ABHD3: variants seen among roughly 807,000 people sequenced by gnomAD.
ABHD3 encodes the protein phospholipase ABHD3.
In ABHD3, 46 loss-of-function variants were observed where a neutral mutation model predicts 48.8. The ratio of observed to expected loss-of-function variants is 0.94; its 90% CI spans 0.74 to 1.20. The LOEUF is 1.20. ABHD3 is among the 50% of genes most tolerant of loss of function. The pLI is 0.00. For synonymous variants in ABHD3, 192 were observed against 183.7 expected (o/e 1.04, Z -0.36); for missense variants, 490 against 497.8 (o/e 0.98, Z 0.15).
chr18:21,659,959 G>A (rs1235235557), intron 5 of ABHD3, among the ~76,000 whole-genome samples: 1 of 135,558 alleles, frequency 7.4e-6, no homozygotes, highest in Non-Finnish European at 1.5e-5. Flanking sequence ...CGTTGCACCC[G>A]GCCTTTTTTT....
chr18:21,658,409 T>A (rs537669984), intron 6 of ABHD3, among the ~76,000 whole-genome samples: 1 of 152,256 alleles, frequency 6.6e-6, no homozygotes, highest in Admixed American at 6.5e-5. Context: ...ACTTACTACA[T>A]TACTATCCAG....
intron 5 of ABHD3, among the ~76,000 whole-genome samples, chr18:21,662,676 G>A (rs1344390678): frequency 1.3e-5 from 2 of 152,164 alleles, no homozygotes; most frequent in Non-Finnish European, 2.9e-5. Context: ...ATCCCCAAGT[G>A]GTAAGCCCAC....
intron 4 of ABHD3, among the ~76,000 whole-genome samples, chr18:21,678,416 A>G (rs1453726220): frequency 6.6e-6 from 1 of 152,118 alleles, no homozygotes; most frequent in Non-Finnish European, 1.5e-5. Context: ...ATGATCCTAT[A>G]ACTAAAAATA....
At chr18:21,699,219 TAC>T (rs1176381890) in intron 3 of ABHD3, among the ~76,000 whole-genome samples, 1 of 152,164 alleles carries the variant, frequency 6.6e-6, no homozygotes, top group East Asian at 1.9e-4. Flanking sequence ...TGGCCTACTT[TAC>T]ACACTCTAAC....
chr18:21,666,076 G>C (rs185751892), intron 4 of ABHD3, among the ~76,000 whole-genome samples: 1 of 151,920 alleles, frequency 6.6e-6, no homozygotes, highest in South Asian at 2.1e-4. Context: ...CTGTCGCCCA[G>C]GCTGGGGTGC....
Position 21,690,296 on chromosome 18 carries a change from A to G in ABHD3, c.510-6331T>C, listed in dbSNP as rs141590179. Among the ~76,000 whole-genome samples, 4 of 146,692 alleles carry G rather than the reference A, an allele frequency of 2.7e-5. No individual in the cohort carries two copies. The South Asian group carries it at 8.6e-4, about 32-fold the overall frequency. Reference sequence around the variant, plus strand: ...ACCTCAGTGATTTGTGAAACAATATAAAAAAAAAACAACATACATGTAATT... The same window carrying G: ...ACCTCAGTGATTTGTGAAACAATATGAAAAAAAAACAACATACATGTAATT... On this transcript the variant is annotated intron_variant, in intron 3 of 8. Transcript: ENST00000289119.
intron 3 of ABHD3, among the ~76,000 whole-genome samples, chr18:21,700,512 C>T (rs2146339293): frequency 6.6e-6 from 1 of 152,252 alleles, no homozygotes. Flanking sequence ...AATTCTCCTG[C>T]CTCAGCCTCC....
chr18:21,650,949 A>T lies in ABHD3; in HGVS notation c.*642T>A, dbSNP rs1385157454. 2 of 152,210 alleles carry T rather than the reference A, an allele frequency of 1.3e-5. No homozygotes were observed. Among genetic ancestry groups the T allele is most frequent in the Non-Finnish European group, 2.9e-5 (2 of 68,030 alleles). The allele number at this position is 152,210 out of a possible 1,614,324, so 9.4% of individuals were successfully genotyped here. On this transcript the variant is annotated 3_prime_UTR_variant, in exon 9 of 9. Coordinates refer to ENST00000289119, the MANE Select transcript of ABHD3 (RefSeq NM_138340.5). ...AATATAATGATATATATGTGTCCAC[A>T]TATACTATTTTAAAAATAAGCATGT...
chr18:21,681,272 C>T (rs2039999942), intron 4 of ABHD3, among the ~76,000 whole-genome samples: 1 of 152,114 alleles, frequency 6.6e-6, no homozygotes, highest in African/African-American at 2.4e-5. Context: ...TTTGTTACAT[C>T]ATAATCTCAC....
chr18:21,703,381 G>T (rs549361786), intron 2 of ABHD3, among the ~76,000 whole-genome samples: 15 of 152,190 alleles, frequency 9.9e-5, no homozygotes, highest in African/African-American at 1.4e-4. Context: ...TTAGGGCGGG[G>T]ACCAGGAGGC....
chr18:21,666,130 T>C (rs1291796058), intron 4 of ABHD3, among the ~76,000 whole-genome samples: 1 of 151,962 alleles, frequency 6.6e-6, no homozygotes, highest in African/African-American at 2.4e-5. Flanking sequence ...GCCTCCTGGG[T>C]TCAAGCAATT....
At chr18:21,672,455 A>G (rs1249480627) in intron 4 of ABHD3, among the ~76,000 whole-genome samples, 1 of 152,222 alleles carries the variant, frequency 6.6e-6, no homozygotes. Context: ...TTTACGTTTC[A>G]TATTAACTGT....
chr18:21,672,213 T>C (rs1384993663), intron 4 of ABHD3, among the ~76,000 whole-genome samples: 1 of 152,152 alleles, frequency 6.6e-6, no homozygotes. Context: ...ATTTTTGACC[T>C]AGACTCAAAT....
chr18:21,669,574 CCA>C (rs768783942), intron 4 of ABHD3, among the ~76,000 whole-genome samples: 1 of 152,148 alleles, frequency 6.6e-6, no homozygotes, highest in African/African-American at 2.4e-5. Flanking sequence ...ATCCTCAGCT[CCA>C]GATTCAAATT....
chr18:21,656,801 A>C, intron 8 of ABHD3, 60 bp downstream of exon 8: 2 of 1,409,726 alleles, frequency 1.4e-6, no homozygotes, highest in Non-Finnish European at 1.9e-6. Flanking sequence ...ATTTCCTTAA[A>C]AATAACAATA....
At chr18:21,653,737 T>TAAA (rs11361855) in intron 8 of ABHD3, among the ~76,000 whole-genome samples, 2 of 120,366 alleles carry the variant, frequency 1.7e-5, no homozygotes, top group African/African-American at 5.6e-5. Context: ...CAAAAAATGT[T>TAAA]AAAAAAAAAA....
chr18:21,680,996 G>A (rs2039994926), intron 4 of ABHD3, among the ~76,000 whole-genome samples: 1 of 151,778 alleles, frequency 6.6e-6, no homozygotes, highest in East Asian at 1.9e-4. Flanking sequence ...CCAAAGTGTT[G>A]GGATTGCAGG....
At position 21,664,180 on chromosome 18, in the gene ABHD3, A is replaced by C. The variant is rs1294597326; in HGVS notation, c.606T>G (p.Ile202Met). 6 of 1,614,020 alleles carry C rather than the reference A, an allele frequency of 3.7e-6. No individual in the cohort carries two copies. The East Asian group carries it at 1.1e-4, about 30-fold the overall frequency. Residue 202 changes from isoleucine (I) to methionine (M), a missense_variant, in exon 5 of 9, where the codon ATT (isoleucine) becomes ATG (methionine). By Grantham distance (10) the Ile-to-Met change is conservative. Coordinates refer to ENST00000289119, the MANE Select transcript of ABHD3 (RefSeq NM_138340.5). ...AAGGGTACAGGCTGTGTACATGGTG[A>C]ATAACTGTCTCCAAGTCTTCAGTGT... ...CANTEDLETV[I>M]HHVHSLYPSA...
chr18:21,701,751 G>A (rs2040518121), intron 3 of ABHD3: 1 of 152,174 alleles, frequency 6.6e-6, no homozygotes, highest in African/African-American at 2.4e-5. Flanking sequence ...TGGTGACTGA[G>A]CTTAATAATG....
Sources: allele counts gnomAD v4.1 joint callset (sites outside exome capture counted in the v4.1 genomes callset), GRCh38; gene constraint gnomAD v4.1.1; transcripts MANE v1.5; gene names NCBI Gene and HGNC (gene_info 2026-07-23, HGNC 2026-07-21).